Variants in PARP14 observed in about 807,000 individuals in gnomAD.
PARP14 encodes the protein poly(ADP-ribose) polymerase family member 14.
PARP14 carries 59 observed loss-of-function variants against 154.2 expected under a neutral mutation model. The observed-to-expected ratio is 0.38, with a 90% CI of 0.31 to 0.48. The LOEUF (loss-of-function observed/expected upper bound fraction) is 0.48. Among genes scored for constraint, PARP14 ranks in the 20% least tolerant of loss-of-function variants. The pLI is 0.98. For synonymous variants in PARP14, 720 were observed against 780.5 expected, an observed-to-expected ratio of 0.92 and a Z score of 1.29; for missense variants, 1,734 against 2,131.6, an observed-to-expected ratio of 0.81 and a Z score of 3.67.
At chr3:122,714,477 C>T (rs1932933190) in intron 12 of PARP14, 48 bp downstream of exon 12, 2 of 1,448,512 alleles carry the variant, frequency 1.4e-6, no homozygotes, top group Non-Finnish European at 1.9e-6. Flanking sequence ...CATCTACTTT[C>T]CCTTTCATTT....
chr3:122,728,876 G>C lies in PARP14; in HGVS notation c.*279G>C. The C allele has an allele frequency of 2.8e-6, 1 of 361,512 alleles. No individual in the cohort carries two copies. The highest frequency in any genetic ancestry group is 5.2e-6 in the Non-Finnish European group (1 of 193,196). 22.4% of individuals were successfully genotyped at this position (361,512 alleles called of 1,614,324 possible). A position where few individuals can be genotyped will look rare whatever the true frequency, so the allele number is the denominator to read the frequency against. ...AAATCTGTGGGAAAAGAACAGGTTT[G>C]TATTTTCAGGAAGGAGAGAATAACA... On this transcript the variant is annotated 3_prime_UTR_variant, in exon 17 of 17. Coordinates refer to ENST00000474629, the MANE Select transcript of PARP14 (RefSeq NM_017554.3).
chr3:122,696,373 T>C (rs1197130107), intron 5 of PARP14, among the ~76,000 whole-genome samples: 1 of 152,176 alleles, frequency 6.6e-6, no homozygotes, highest in East Asian at 1.9e-4. Context: ...TAGGATAATG[T>C]GGTATGCCAC....
intron 3 of PARP14, among the ~76,000 whole-genome samples, chr3:122,688,904 G>A (rs1032943474): frequency 2.6e-5 from 4 of 152,108 alleles, no homozygotes; most frequent in African/African-American, 9.7e-5. Context: ...GACAGGGCAG[G>A]GAAAGGCACA....
Position 122,700,588 on chromosome 3 carries a change from G to A in PARP14, c.2034G>A (p.Lys678=). 6.3e-7 allele frequency: 1 copy of A among 1,596,854 alleles called. No individual in the cohort carries two copies. Among genetic ancestry groups the A allele is most frequent in the Non-Finnish European group, 8.5e-7 (1 of 1,170,900 alleles). The change falls in exon 6 of 17, where the codon AAG becomes AAA. Residue 678 remains lysine (K), a synonymous_variant. Coordinates refer to ENST00000474629, the MANE Select transcript of PARP14 (RefSeq NM_017554.3). ...NMKIERLVEV[K]PSLVIDYLKT... ...AAATAGAGAGACTGGTTGAAGTAAA[G>A]CCTTCCTTAGTTATTGACTATTTAA...
In PARP14 at chr3:122,701,196, T is replaced by C. The variant is rs1184110018; in HGVS notation, c.2642T>C (p.Val881Ala). 3.1e-6 allele frequency: 5 copies of C among 1,613,376 alleles called. No homozygotes were observed. Among genetic ancestry groups the C allele is most frequent in the Non-Finnish European group, 4.2e-6 (5 of 1,179,648 alleles). The change falls in exon 6 of 17, where the codon GTG becomes GCG. Residue 881 changes from valine (V) to alanine (A), a missense_variant. This residue lies in a region of PARP14 where 1,646 missense variants were observed against 1,976.0 expected (regional missense o/e 0.83). Transcript: ENST00000474629. The surrounding 1 kb of genome is among the most constrained non-coding windows in gnomAD (Gnocchi z 4.0). ...KLPYHHVIHAVGPRWSGYEAP... is the reference protein window; with the variant it reads ...KLPYHHVIHAAGPRWSGYEAP... ...CCCTACCACCACGTGATCCATGCAG[T>C]GGGGCCCCGCTGGAGCGGATATGAG...
chr3:122,698,744 T>C (rs1310202132), intron 5 of PARP14, among the ~76,000 whole-genome samples: 2 of 152,224 alleles, frequency 1.3e-5, no homozygotes, highest in Non-Finnish European at 2.9e-5. Flanking sequence ...GTGTGACACA[T>C]GCTAAGCTAT....
At position 122,700,583 on chromosome 3, in the gene PARP14, G is replaced by C; in HGVS notation, c.2029G>C (p.Val677Leu). Residue 677 changes from valine to leucine, a missense_variant, in exon 6 of 17, where the codon GTA becomes CTA. By Grantham distance (32) the Val-to-Leu change is conservative. Coordinates refer to ENST00000474629, the MANE Select transcript of PARP14 (RefSeq NM_017554.3). Reference protein sequence around the residue: ...QNMKIERLVEVKPSLVIDYLK... With the variant: ...QNMKIERLVELKPSLVIDYLK... ...CATGAAAATAGAGAGACTGGTTGAAGTAAAGCCTTCCTTAGTTATTGACTA... is the reference window on the plus strand; with the variant it reads ...CATGAAAATAGAGAGACTGGTTGAACTAAAGCCTTCCTTAGTTATTGACTA... 1 of 1,596,500 alleles carries C rather than the reference G, an allele frequency of 6.3e-7. No individual in the cohort carries two copies. Among genetic ancestry groups the C allele is most frequent in the Non-Finnish European group, 8.5e-7 (1 of 1,170,720 alleles).
chr3:122,699,956 A>G lies in PARP14; in HGVS notation c.1402A>G (p.Lys468Glu). ...QKIKREEQSL[K>E]EKMIISPGRY... is the part of the protein sequence containing the mutation. The stretch of plus-strand genomic sequence containing the variant: ...AATTAAAAGGGAAGAGCAAAGTTTG[A>G]AGGAAAAAATGATCATTTCTCCAGG... The change falls in exon 6 of 17, where the codon AAG becomes GAG. Residue 468 changes from lysine (K) to glutamate (E), a missense_variant. Around this residue, in one of 2 missense-constraint regions of PARP14, gnomAD observed 1,646 missense variants for 1,976.0 expected, o/e 0.83. Transcript: ENST00000474629. 6.2e-7 allele frequency: 1 copy of G among 1,613,880 alleles called. No individual in the cohort carries two copies. The highest frequency in any genetic ancestry group is 8.5e-7 in the Non-Finnish European group (1 of 1,179,772).
Position 122,699,592 on chromosome 3 carries a change from T to A in PARP14, c.1038T>A (p.Asp346Glu), listed in dbSNP as rs773019801. 183 of 1,613,784 alleles carry A rather than the reference T, an allele frequency of 1.1e-4. No homozygotes were observed. The highest frequency in any genetic ancestry group is 1.5e-4 in the Non-Finnish European group (177 of 1,179,828). ...ATCACCTCATTGAGGAGATAAACGA[T>A]GAAATGAGGCGTTGTCACTGTGAGC... ...KKNHLIEEIN[D>E]EMRRCHCELT... The change falls in exon 6 of 17, where the codon GAT (aspartate) becomes GAA (glutamate). Residue 346 changes from aspartate to glutamate, a missense_variant. Around this residue, in one of 2 missense-constraint regions of PARP14, gnomAD observed 1,646 missense variants for 1,976.0 expected, o/e 0.83. Coordinates refer to ENST00000474629, the MANE Select transcript of PARP14 (RefSeq NM_017554.3).
chr3:122,713,462 T>C lies in PARP14; in HGVS notation c.3658T>C (p.Tyr1220His). Residue 1220 changes from tyrosine (Y) to histidine (H), a missense_variant, in exon 10 of 17, where the codon TAT becomes CAT. Tyr to His is a moderately conservative substitution (Grantham distance 83). This residue lies in a region of PARP14 where 1,646 missense variants were observed against 1,976.0 expected (regional missense o/e 0.83). Transcript: ENST00000474629. ...GTVSSPDSGV[Y>H]EMKIGSIIFQ... The stretch of plus-strand genomic sequence containing the variant: ...TGTTTCTAGCCCTGATTCAGGTGTG[T>C]ATGAAATGAAGATTGGCTCCATCAT... 3 of 1,613,710 alleles carry C rather than the reference T, an allele frequency of 1.9e-6. No individual in the cohort carries two copies. Among genetic ancestry groups the C allele is most frequent in the Non-Finnish European group, 2.5e-6 (3 of 1,179,642 alleles).
intron 6 of PARP14, among the ~76,000 whole-genome samples, chr3:122,703,354 C>A (rs1195297264): frequency 6.6e-6 from 1 of 152,190 alleles, no homozygotes; most frequent in Non-Finnish European, 1.5e-5. Context: ...GAAGCTCTCT[C>A]AGATCAAATT....
Position 122,692,303 on chromosome 3 carries a change from G to A in PARP14, c.358G>A (p.Val120Met), listed in dbSNP as rs757501708. 1.2e-6 allele frequency: 2 copies of A among 1,609,688 alleles called. No individual in the cohort carries two copies. Among genetic ancestry groups the A allele is most frequent in the South Asian group, 1.1e-5 (1 of 90,918 alleles). ...CTCTTTTGTCTTCCTAAAATCAGATGTGTCAGAAGAATTGGATACAAAACT... is the reference window on the plus strand; with the variant it reads ...CTCTTTTGTCTTCCTAAAATCAGATATGTCAGAAGAATTGGATACAAAACT... Reference protein sequence around the residue: ...KTKEDVKEPDVSEELDTKLPL... With the variant: ...KTKEDVKEPDMSEELDTKLPL... The change falls in exon 4 of 17, where the codon GTG becomes ATG. Residue 120 changes from valine (V) to methionine (M), a missense_variant and splice_region_variant. By Grantham distance (21) the Val-to-Met change is conservative. Around this residue, in one of 2 missense-constraint regions of PARP14, gnomAD observed 1,646 missense variants for 1,976.0 expected, o/e 0.83. Transcript: ENST00000474629.
chr3:122,685,182 C>T lies in PARP14; in HGVS notation c.188-3C>T. On this transcript the variant is annotated splice_region_variant and splice_polypyrimidine_tract_variant and intron_variant, in intron 1 of 16. Transcript: ENST00000474629. The stretch of plus-strand genomic sequence containing the variant: ...TCTTTTTTCCCCCCTTTGGACATTT[C>T]AGTTCGGCAGAAGGTTCTGGAGAGA... 1 of 1,613,548 alleles carries T rather than the reference C, an allele frequency of 6.2e-7. No homozygotes were observed. The highest frequency in any genetic ancestry group is 8.5e-7 in the Non-Finnish European group (1 of 1,179,612).
chr3:122,719,759 A>C (rs1933111136), intron 14 of PARP14, among the ~76,000 whole-genome samples: 1 of 152,246 alleles, frequency 6.6e-6, no homozygotes, highest in South Asian at 2.1e-4. Context: ...AAAATCTGCC[A>C]CCTAACTGCC....
chr3:122,706,990 C>T (rs913627374), intron 8 of PARP14, among the ~76,000 whole-genome samples: 56 of 152,296 alleles, frequency 3.7e-4, no homozygotes, highest in African/African-American at 1.3e-3. Flanking sequence ...GTAGTTTTTA[C>T]AATTGGCAAG....
chr3:122,723,425 A>G (rs1183075585), intron 15 of PARP14, among the ~76,000 whole-genome samples: 2 of 152,144 alleles, frequency 1.3e-5, no homozygotes, highest in Non-Finnish European at 1.5e-5. Context: ...GTTTAAGCCA[A>G]TTGTATTGTA....
In PARP14 at chr3:122,729,965, T is replaced by TGAA. The variant is rs1357131113; in HGVS notation, c.*1370_*1372dup. The TGAA allele has an allele frequency of 6.6e-6, 1 of 152,198 alleles. No homozygotes were observed. The highest frequency in any genetic ancestry group is 1.5e-5 in the Non-Finnish European group (1 of 68,044). The allele number at this position is 152,198 out of a possible 1,614,324, so 9.4% of individuals were successfully genotyped here. ...TTGCTAACTCCTATCTATTGAATGG[T>TGAA]GAAGTTTTAAAAATTTCCCCAGGTA... On this transcript the variant is annotated 3_prime_UTR_variant, in exon 17 of 17. Transcript: ENST00000474629.
At position 122,704,595 on chromosome 3, in the gene PARP14, T is replaced by C. The variant is rs1475975027; in HGVS notation, c.3387T>C (p.Phe1129=). The change falls in exon 8 of 17, where the codon TTT becomes TTC. Residue 1129 remains phenylalanine (F), a synonymous_variant. Transcript: ENST00000474629. ...TESLSLKSIA[F]PAIGTGNLGF... ...GCTTGTCCTTAAAATCAATTGCATT[T>C]CCAGCAATAGGAACAGGAAACTTGG... The C allele has an allele frequency of 6.2e-7, 1 of 1,608,604 alleles. No homozygotes were observed.
At position 122,708,286 on chromosome 3, in the gene PARP14, A is replaced by T. The variant is rs374557337; in HGVS notation, c.3619+18A>T. On this transcript the variant is annotated intron_variant, in intron 9 of 16. Coordinates refer to ENST00000474629, the MANE Select transcript of PARP14 (RefSeq NM_017554.3). ...TACACAAGGTTCAGTAAAGCTTCTA[A>T]ATTGAGAAGTGATTTCTAGTTGCTA... The T allele has an allele frequency of 7.2e-7, 1 of 1,388,352 alleles. No individual in the cohort carries two copies. The allele number at this position is 1,388,352 out of a possible 1,614,324, so 86.0% of individuals were successfully genotyped here.
Sources: gnomAD v4.1 joint callset for allele counts (sites outside exome capture counted in the v4.1 genomes callset) on GRCh38, gnomAD v4.1.1 for gene constraint, gnomAD v4.1.1 regional missense constraint, Gnocchi (gnomAD v3.1) non-coding constraint, MANE v1.5 for transcripts, NCBI Gene and HGNC (gene_info 2026-07-23, HGNC 2026-07-21) for gene names.